Variants in FSTL4 observed in about 807,000 individuals in gnomAD.
FSTL4 encodes follistatin-related protein 4.
A neutral mutation model predicts 78.2 loss-of-function variants in FSTL4; 28 were observed. The observed-to-expected ratio is 0.36, with a 90% CI of 0.27 to 0.49. The LOEUF (loss-of-function observed/expected upper bound fraction) is 0.49, where lower values mean the gene tolerates loss of function less well. Ranked by LOEUF, FSTL4 falls within the 20% of genes least tolerant of loss-of-function variation. The pLI, the probability that FSTL4 is intolerant of heterozygous loss-of-function variation, is 0.98. For missense variants in FSTL4, 922 were observed against 1,084.9 expected (o/e 0.85, Z 2.11); for synonymous variants, 422 against 440.5 (o/e 0.96, Z 0.53).
chr5:133,375,241 T>C (rs978044253), intron 4 of FSTL4, among the ~76,000 whole-genome samples: 22 of 123,082 alleles, frequency 1.8e-4, no homozygotes, highest in Middle Eastern at 5.1e-3. Flanking sequence ...AAGAGATCCA[T>C]TTATAAAGAG....
At chr5:133,673,629 T>C in the FSTL4 span, among the ~76,000 whole-genome samples, 5 of 152,222 alleles carry the variant, frequency 3.3e-5, no homozygotes, top group Admixed American at 2.6e-4. Context: ...AATTCTCCAA[T>C]TTAAGTGACA....
intron 14 of FSTL4, 162 bp downstream of exon 14, chr5:133,210,029 G>T: frequency 1.9e-6 from 1 of 540,268 alleles, no homozygotes; most frequent in Non-Finnish European, 3.4e-6. Context: ...CCTGTGAGGG[G>T]CATTGGCCTG....
the FSTL4 span, among the ~76,000 whole-genome samples, chr5:133,809,172 C>A: frequency 4.6e-5 from 7 of 151,816 alleles, no homozygotes; most frequent in Non-Finnish European, 1.0e-4. Flanking sequence ...TCGAGACCGG[C>A]CTGGCCAACA....
chr5:133,753,681 T>TTC, the FSTL4 span, among the ~76,000 whole-genome samples: 9 of 82,830 alleles, frequency 1.1e-4, no homozygotes, highest in East Asian at 2.8e-3. Flanking sequence ...TCCACATTTG[T>TTC]TCTGTGTGTG....
chr5:133,614,390 T>C (rs547496025), upstream of FSTL4, among the ~76,000 whole-genome samples: 1 of 152,364 alleles, frequency 6.6e-6, no homozygotes, highest in African/African-American at 2.4e-5. Flanking sequence ...AGGTAGTTGC[T>C]GCAAACCAGA....
intron 7 of FSTL4, chr5:133,247,092 G>C (rs900908301): frequency 6.6e-6 from 1 of 152,246 alleles, no homozygotes; most frequent in Admixed American, 6.5e-5. Context: ...CGTGTGTTTT[G>C]TGTGTTTGTA....
chr5:133,791,543 G>A, the FSTL4 span, among the ~76,000 whole-genome samples: 5 of 152,136 alleles, frequency 3.3e-5, no homozygotes, highest in Admixed American at 2.0e-4. Flanking sequence ...AATGAGAGCT[G>A]AGCCATTCAC....
At chr5:133,418,878 C>A (rs182371205) in intron 3 of FSTL4, among the ~76,000 whole-genome samples, 331 of 152,308 alleles carry the variant, frequency 2.2e-3, no homozygotes, top group Middle Eastern at 0.01. Context: ...TTCCTCATGC[C>A]GCTTTGTAAC....
the FSTL4 span, among the ~76,000 whole-genome samples, chr5:133,645,568 C>A: frequency 6.6e-6 from 1 of 152,166 alleles, no homozygotes; most frequent in South Asian, 2.1e-4. Flanking sequence ...TGGTAACCTC[C>A]CAGAAGGATA....
At chr5:133,618,549 C>T in the FSTL4 span, among the ~76,000 whole-genome samples, 1 of 152,224 alleles carries the variant, frequency 6.6e-6, no homozygotes, top group African/African-American at 2.4e-5. Flanking sequence ...AACCCATTAT[C>T]GTCATCACTA....
chr5:133,770,446 G>A, the FSTL4 span, among the ~76,000 whole-genome samples: 1 of 152,042 alleles, frequency 6.6e-6, no homozygotes, highest in African/African-American at 2.4e-5. Flanking sequence ...GCGTCTCATT[G>A]TGGTTTTAAT....
In FSTL4 at chr5:133,593,472, C is replaced by T. The variant is rs532715157; in HGVS notation, c.126+10386G>A. ...GACACCAGAGGGCTGCTGCATTCAG[C>T]ACTATGTCCATCCTATGCAGGTGAC... is the stretch of plus-strand genomic sequence containing the variant. On this transcript the variant is annotated intron_variant, in intron 2 of 15. Transcript: ENST00000265342. 5.5e-4 allele frequency among the ~76,000 whole-genome samples: 83 copies of T among 152,200 alleles called. 1 individual carries two copies. Among genetic ancestry groups the T allele is most frequent in the African/African-American group, 2.0e-3 (83 of 41,548 alleles).
At chr5:133,256,269 A>C (rs555107276) in intron 6 of FSTL4, among the ~76,000 whole-genome samples, 98 of 152,236 alleles carry the variant, frequency 6.4e-4, no homozygotes, top group African/African-American at 2.2e-3. Context: ...CTTCTAAATT[A>C]ATGTGCTTTC....
At position 133,612,515 on chromosome 5, in the gene FSTL4, C is replaced by T. The variant is rs1394551459; in HGVS notation, c.-201G>A. ...GAGCCGCCGCTGCCCGCTGCTGTGCCACCGCCGCCGCGGCTGCCCTATTTC... is the reference window on the plus strand; with the variant it reads ...GAGCCGCCGCTGCCCGCTGCTGTGCTACCGCCGCCGCGGCTGCCCTATTTC... On this transcript the variant is annotated 5_prime_UTR_variant, in exon 1 of 16. Coordinates refer to ENST00000265342, the MANE Select transcript of FSTL4 (RefSeq NM_015082.2). This position sits in a 1 kb window ranked among gnomAD's most constrained non-coding sequence, Gnocchi z 6.2. 6.6e-6 allele frequency: 1 copy of T among 152,142 alleles called. No homozygotes were observed. Among genetic ancestry groups the T allele is most frequent in the African/African-American group, 2.4e-5 (1 of 41,426 alleles). The allele number at this position is 152,142 out of a possible 1,614,324, so 9.4% of individuals were successfully genotyped here.
chr5:133,466,960 A>G (rs576054266), intron 3 of FSTL4, among the ~76,000 whole-genome samples: 3 of 131,638 alleles, frequency 2.3e-5, no homozygotes, highest in East Asian at 2.0e-4. Context: ...GAGTGACTGT[A>G]TGTGTGTGTA....
At chr5:133,723,790 A>C in the FSTL4 span, among the ~76,000 whole-genome samples, 3 of 152,136 alleles carry the variant, frequency 2.0e-5, no homozygotes, top group Admixed American at 2.0e-4. Flanking sequence ...GGCACTGGGG[A>C]ACCCAACTAC....
chr5:133,578,361 C>T (rs868753791), intron 2 of FSTL4, among the ~76,000 whole-genome samples: 1 of 152,240 alleles, frequency 6.6e-6, no homozygotes, highest in Non-Finnish European at 1.5e-5. Context: ...CACCCGGATA[C>T]TTCCCACTCC....
chr5:133,228,266 G>C (rs1017736262), intron 8 of FSTL4, among the ~76,000 whole-genome samples: 15 of 152,104 alleles, frequency 9.9e-5, no homozygotes, highest in Non-Finnish European at 1.9e-4. Flanking sequence ...AAACTTGGAA[G>C]TACCAGCATT....
At chr5:133,402,540 AC>A (rs979802707) in intron 3 of FSTL4, among the ~76,000 whole-genome samples, 1 of 152,148 alleles carries the variant, frequency 6.6e-6, no homozygotes, top group Admixed American at 6.5e-5. Context: ...TCATGACCAA[AC>A]TTTTAGCCCC....
Sources: allele counts gnomAD v4.1 joint callset (sites outside exome capture counted in the v4.1 genomes callset), GRCh38; gene constraint gnomAD v4.1.1; non-coding constraint Gnocchi (gnomAD v3.1); transcripts MANE v1.5; gene names NCBI Gene and HGNC (gene_info 2026-07-23, HGNC 2026-07-21).